ROR2: variants seen among roughly 807,000 people sequenced by gnomAD.
ROR2 encodes ROR family WNT receptor 2, also known as tyrosine-protein kinase transmembrane receptor ROR2.
ROR2 carries 33 observed loss-of-function variants against 74.9 expected under a neutral mutation model. The observed-to-expected ratio is 0.44, with a 90% CI of 0.33 to 0.59. The LOEUF is 0.59. Ranked by LOEUF, ROR2 falls within the 20% of genes least tolerant of loss-of-function variation. The probability of loss-of-function intolerance (pLI) is 0.02; values close to 1 mark genes in which losing one functional copy is unlikely to be tolerated. For missense variants in ROR2, 1,216 were observed against 1,313.8 expected (o/e 0.93, Z 1.15); for synonymous variants, 586 against 558.7 (o/e 1.05, Z -0.69).
intron 1 of ROR2, among the ~76,000 whole-genome samples, chr9:91,860,679 C>T (rs1037470083): frequency 1.3e-5 from 2 of 152,170 alleles, no homozygotes; most frequent in African/African-American, 4.8e-5. Flanking sequence ...GGAGTACTAA[C>T]GTGTGAAGGC....
At chr9:91,838,738 C>G (rs756622356) in intron 1 of ROR2, among the ~76,000 whole-genome samples, 3 of 152,128 alleles carry the variant, frequency 2.0e-5, no homozygotes, top group Non-Finnish European at 4.4e-5. Context: ...CCGTTAGACC[C>G]TTTTTAAAAG....
In ROR2 at chr9:91,948,566, C is replaced by G. The variant is rs368583341; in HGVS notation, c.97+1301G>C. The stretch of plus-strand genomic sequence containing the variant: ...ATCAACATCTGCTTAAACTAAAACC[C>G]CCCCCCAGGAAAGACTGTGCAGCCT... On this transcript the variant is annotated intron_variant, in intron 1 of 8. Coordinates refer to ENST00000375708, the MANE Select transcript of ROR2 (RefSeq NM_004560.4). The G allele has an allele frequency of 3.0e-5, 30 of 984,406 alleles. 1 individual carries two copies. In the East Asian group the frequency reaches 1.0e-3, roughly 34 times the overall value. The allele number at this position is 984,406 out of a possible 1,614,324, so 61.0% of individuals were successfully genotyped here. A position where few individuals can be genotyped will look rare whatever the true frequency, so the allele number is the denominator to read the frequency against.
chr9:91,922,335 G>A (rs1408746262), intron 1 of ROR2, among the ~76,000 whole-genome samples: 3 of 152,248 alleles, frequency 2.0e-5, no homozygotes, highest in Non-Finnish European at 4.4e-5. Context: ...TGAATGAAAT[G>A]TTACTTGGAA....
chr9:91,919,919 C>A (rs1831223429), intron 1 of ROR2, among the ~76,000 whole-genome samples: 1 of 152,204 alleles, frequency 6.6e-6, no homozygotes, highest in Non-Finnish European at 1.5e-5. Context: ...CCTGAACTTT[C>A]AGAAATATTT....
intron 1 of ROR2, among the ~76,000 whole-genome samples, chr9:91,796,399 CT>C (rs1564281993): frequency 6.9e-6 from 1 of 144,144 alleles, no homozygotes; most frequent in Non-Finnish European, 1.5e-5. Flanking sequence ...CAATACTGCA[CT>C]GCAGCCTGGG....
At position 91,912,560 on chromosome 9, in the gene ROR2, CTG is replaced by C. The variant is rs572134100; in HGVS notation, c.97+37305_97+37306del. ...TTATTTCAAAATTAAAAGTATGCTT[CTG>C]TGTATTCTTCTGCCAGGATGTGCTT... On this transcript the variant is annotated intron_variant, in intron 1 of 8. Coordinates refer to ENST00000375708, the MANE Select transcript of ROR2 (RefSeq NM_004560.4). Among the ~76,000 whole-genome samples, 5 of 152,168 alleles carry C rather than the reference CTG, an allele frequency of 3.3e-5. No homozygotes were observed. The East Asian group carries it at 5.8e-4, about 18-fold the overall frequency.
chr9:91,894,203 C>T (rs1291359885), intron 1 of ROR2, among the ~76,000 whole-genome samples: 2 of 152,198 alleles, frequency 1.3e-5, no homozygotes, highest in Non-Finnish European at 1.5e-5. Flanking sequence ...GCTCCAGCCA[C>T]GGGGCCTTTG....
At chr9:91,769,893 C>T (rs1826175063) in intron 2 of ROR2, among the ~76,000 whole-genome samples, 2 of 152,328 alleles carry the variant, frequency 1.3e-5, no homozygotes, top group Middle Eastern at 3.4e-3. Flanking sequence ...TTCAGAGACT[C>T]TGAGCGCCCA....
chr9:91,726,691 G>A lies in ROR2; in HGVS notation c.1236C>T (p.Ile412=), dbSNP rs752218712. The A allele has an allele frequency of 2.0e-5, 32 of 1,613,870 alleles. No homozygotes were observed. The highest frequency in any genetic ancestry group is 4.5e-5 in the East Asian group (2 of 44,876). ...GGCAAGCGATGACCAGTGGAATTGC[G>A]ATGCTGGGGACCAAGATGTACAGAA... The part of the protein sequence containing the change: ...MGILYILVPS[I]AIPLVIACLF... The change falls in exon 8 of 9, where the codon ATC becomes ATT. Residue 412 remains isoleucine, a synonymous_variant. Coordinates refer to ENST00000375708, the MANE Select transcript of ROR2 (RefSeq NM_004560.4).
intron 1 of ROR2, among the ~76,000 whole-genome samples, chr9:91,782,366 A>G (rs1034560568): frequency 3.9e-5 from 6 of 152,120 alleles, no homozygotes; most frequent in Non-Finnish European, 8.8e-5. Flanking sequence ...GAATCTCTGG[A>G]AAGTTTTTAA....
rs78249788 is a variant in ROR2, at chr9:91,742,438, A to G, written c.495-4920T>C. 7.0e-3 allele frequency among the ~76,000 whole-genome samples: 1,064 copies of G among 152,350 alleles called. 4 individuals carry two copies. Among genetic ancestry groups the G allele is most frequent in the Non-Finnish European group, 0.012 (793 of 68,036 alleles). On this transcript the variant is annotated intron_variant, in intron 4 of 8. Coordinates refer to ENST00000375708, the MANE Select transcript of ROR2 (RefSeq NM_004560.4). ...AAGTAATAGATGTGGAAAACACAGA[A>G]GAAGGTGTAGTGAAGATGTGGGGTA...
chr9:91,864,558 C>CATGT (rs1021125481), intron 1 of ROR2, among the ~76,000 whole-genome samples: 1 of 152,206 alleles, frequency 6.6e-6, no homozygotes, highest in African/African-American at 2.4e-5. Flanking sequence ...TAGATCAAAG[C>CATGT]ATGTGGAAGG....
intron 1 of ROR2, among the ~76,000 whole-genome samples, chr9:91,797,745 G>A (rs1343567420): frequency 1.3e-4 from 10 of 77,986 alleles, no homozygotes; most frequent in Non-Finnish European, 2.3e-4. Context: ...CTCTGTGGGC[G>A]GGGCTGACAC....
intron 2 of ROR2, among the ~76,000 whole-genome samples, chr9:91,769,145 C>T (rs2118903389): frequency 6.6e-6 from 1 of 152,236 alleles, no homozygotes; most frequent in African/African-American, 2.4e-5. Flanking sequence ...AGCTTCCCTC[C>T]ACCAAGTCCT....
intron 5 of ROR2, among the ~76,000 whole-genome samples, chr9:91,735,973 G>A (rs937812544): frequency 2.0e-5 from 3 of 152,132 alleles, no homozygotes; most frequent in Admixed American, 6.5e-5. Context: ...CCGCTTTTAC[G>A]AAGGGTGAAA....
chr9:91,815,721 A>G (rs1827906485), intron 1 of ROR2, among the ~76,000 whole-genome samples: 1 of 152,174 alleles, frequency 6.6e-6, no homozygotes, highest in African/African-American at 2.4e-5. Context: ...AAGGAAAACC[A>G]TTTCACAGGA....
chr9:91,912,360 A>C (rs1446398643), intron 1 of ROR2, among the ~76,000 whole-genome samples: 1 of 152,216 alleles, frequency 6.6e-6, no homozygotes, highest in African/African-American at 2.4e-5. Context: ...ATTTATTATG[A>C]ATTCCAAAAT....
At chr9:91,907,634 C>G (rs147201266) in intron 1 of ROR2, among the ~76,000 whole-genome samples, 2 of 152,178 alleles carry the variant, frequency 1.3e-5, no homozygotes, top group Non-Finnish European at 2.9e-5. Context: ...GCTGGGAAAC[C>G]TGGCGCTTCC....
rs35012954 is a variant in ROR2, at chr9:91,925,466, A to ATGTGTGTGTGTGTG, written c.97+24387_97+24400dup. Among the ~76,000 whole-genome samples the ATGTGTGTGTGTGTG allele has an allele frequency of 6.6e-3, 954 of 144,576 alleles. 7 individuals carry two copies. The highest frequency in any genetic ancestry group is 0.019 in the African/African-American group (692 of 37,386). The allele number at this position is 144,576 out of a possible 152,430, so 94.8% of individuals were successfully genotyped here. The stretch of plus-strand genomic sequence containing the variant: ...CCTGACAATGCTGTCAGCTGCCTGT[A>ATGTGTGTGTGTGTG]TGTGTGTGTGTGTGTGTGTGTGTGT... On this transcript the variant is annotated intron_variant, in intron 1 of 8. Coordinates refer to ENST00000375708, the MANE Select transcript of ROR2 (RefSeq NM_004560.4).
Sources: gnomAD v4.1 joint callset for allele counts (sites outside exome capture counted in the v4.1 genomes callset) on GRCh38, gnomAD v4.1.1 for gene constraint, MANE v1.5 for transcripts, NCBI Gene and HGNC (gene_info 2026-07-23, HGNC 2026-07-21) for gene names.